USP53: variants seen among roughly 807,000 people sequenced by gnomAD.
The protein encoded by USP53 is ubiquitin carboxyl-terminal hydrolase 53.
In USP53, 71 loss-of-function variants were observed where a neutral mutation model predicts 94.9. That is an observed-to-expected ratio of 0.75 (90% CI 0.62 to 0.91). The LOEUF is 0.91. USP53 is among the 40% of genes least tolerant of loss of function. The pLI is 0.00. For synonymous variants in USP53, 375 were observed against 422.7 expected, an observed-to-expected ratio of 0.89 and a Z score of 1.39; for missense variants, 1,173 against 1,281.0, an observed-to-expected ratio of 0.92 and a Z score of 1.29.
chr4:119,279,733 C>T (rs1461351999), intron 17 of USP53, among the ~76,000 whole-genome samples: 1 of 152,218 alleles, frequency 6.6e-6, no homozygotes, highest in Non-Finnish European at 1.5e-5. Flanking sequence ...TCTCAGACTG[C>T]TGTGCTAGCA....
intron 3 of USP53, among the ~76,000 whole-genome samples, chr4:119,222,416 T>C (rs1345935075): frequency 6.6e-6 from 1 of 152,190 alleles, no homozygotes; most frequent in Non-Finnish European, 1.5e-5. Flanking sequence ...AATTGTATTT[T>C]TGTACATTGA....
Position 119,214,209 on chromosome 4 carries a change from T to C in USP53, c.-802T>C, listed in dbSNP as rs1743380468. 1 of 151,410 alleles carries C rather than the reference T, an allele frequency of 6.6e-6. No homozygotes were observed. Among genetic ancestry groups the C allele is most frequent in the South Asian group, 2.1e-4 (1 of 4,810 alleles). The allele number at this position is 151,410 out of a possible 1,614,324, so 9.4% of individuals were successfully genotyped here. On this transcript the variant is annotated 5_prime_UTR_variant, in exon 2 of 19. Coordinates refer to ENST00000692078, the MANE Select transcript of USP53 (RefSeq NM_001371395.1). ...CTGCTGTTGTCATAAGAATTCCAAATAGACAAACTCGGTGTAAGTAGGAGT... is the reference window on the plus strand; with the variant it reads ...CTGCTGTTGTCATAAGAATTCCAAACAGACAAACTCGGTGTAAGTAGGAGT...
rs1416737522 is a variant in USP53, at chr4:119,294,021, TA to T, written c.*815del. 1 of 152,124 alleles carries T rather than the reference TA, an allele frequency of 6.6e-6. No homozygotes were observed. Among genetic ancestry groups the T allele is most frequent in the Non-Finnish European group, 1.5e-5 (1 of 67,976 alleles). The allele number at this position is 152,124 out of a possible 1,614,324, so 9.4% of individuals were successfully genotyped here. On this transcript the variant is annotated 3_prime_UTR_variant, in exon 19 of 19. Coordinates refer to ENST00000692078, the MANE Select transcript of USP53 (RefSeq NM_001371395.1). ...TAAATGCTACTTTAGCCATGTAAGT[TA>T]AAAAGTTAAAATACTTAAACTTTAG...
intron 5 of USP53, among the ~76,000 whole-genome samples, chr4:119,244,213 ACAT>A (rs1376202528): frequency 6.6e-6 from 1 of 152,220 alleles, no homozygotes; most frequent in Non-Finnish European, 1.5e-5. Flanking sequence ...AAGTTATTAA[ACAT>A]CATCAAGTGC....
At chr4:119,273,564 T>TG (rs1314394171) in intron 16 of USP53, 68 bp from the exon 17 acceptor site, 5 of 1,113,214 alleles carry the variant, frequency 4.5e-6, no homozygotes, top group Non-Finnish European at 6.1e-6. Flanking sequence ...ACAAATGTTG[T>TG]TTTTTTTTAG....
At chr4:119,247,361 T>A (rs971090697) in intron 6 of USP53, among the ~76,000 whole-genome samples, 14 of 152,186 alleles carry the variant, frequency 9.2e-5, no homozygotes, top group African/African-American at 3.4e-4. Flanking sequence ...TCTGGAATGC[T>A]TTTCTTCCAG....
rs756894253 is a variant in USP53 at position 119,261,698 on chromosome 4, C to T, written c.823-17C>T. 1 of 1,556,366 alleles carries T rather than the reference C, an allele frequency of 6.4e-7. No homozygotes were observed. Among genetic ancestry groups the T allele is most frequent in the South Asian group, 1.2e-5 (1 of 83,266 alleles). Reference sequence around the variant, plus strand: ...AAGATGTAGTGTTAAGTGTACATTACCAATTTTTTTAAACAGCTTTTTTAT... The same window carrying T: ...AAGATGTAGTGTTAAGTGTACATTATCAATTTTTTTAAACAGCTTTTTTAT... On this transcript the variant is annotated splice_polypyrimidine_tract_variant and intron_variant, in intron 11 of 18. Transcript: ENST00000692078.
rs75816287 is a variant in USP53, at chr4:119,282,276, A to G, written c.2251+8568A>G. ...TATTGTGAATAATGCTGCAATGAAT[A>G]TTAGTGTGCAAATGTCTGTTTGAGT... On this transcript the variant is annotated intron_variant, in intron 17 of 18. Transcript: ENST00000692078. 6.5e-4 allele frequency among the ~76,000 whole-genome samples: 99 copies of G among 152,246 alleles called. No individual in the cohort carries two copies. The East Asian group carries it at 0.015, about 24-fold the overall frequency.
intron 3 of USP53, among the ~76,000 whole-genome samples, chr4:119,231,172 G>A (rs1017108329): frequency 3.3e-5 from 5 of 152,186 alleles, no homozygotes; most frequent in Non-Finnish European, 5.9e-5. Flanking sequence ...GAATCAGAAA[G>A]TCCAACTTAT....
chr4:119,237,048 G>A (rs935011731), intron 4 of USP53, among the ~76,000 whole-genome samples: 2 of 152,140 alleles, frequency 1.3e-5, no homozygotes, highest in African/African-American at 4.8e-5. Flanking sequence ...AATGGTTATT[G>A]CAGGGATGAA....
intron 3 of USP53, among the ~76,000 whole-genome samples, chr4:119,226,868 C>T (rs188535941): frequency 9.1e-4 from 139 of 152,272 alleles, no homozygotes; most frequent in African/African-American, 3.1e-3. Flanking sequence ...GTCTCACACT[C>T]TGTCACCCAA....
At chr4:119,271,104 C>T in intron 15 of USP53, 192 bp from the exon 16 acceptor site, 1 of 618,152 alleles carries the variant, frequency 1.6e-6, no homozygotes, top group Non-Finnish European at 2.0e-6. Context: ...GTTTCTTTTA[C>T]AAATACCCCT....
At chr4:119,284,868 A>G (rs1255600079) in intron 17 of USP53, among the ~76,000 whole-genome samples, 3 of 151,958 alleles carry the variant, frequency 2.0e-5, no homozygotes, top group Admixed American at 1.3e-4. Flanking sequence ...GCTTTTGACC[A>G]TGAAAATCTC....
intron 17 of USP53, among the ~76,000 whole-genome samples, chr4:119,284,970 T>C (rs1753918937): frequency 6.6e-6 from 1 of 151,902 alleles, no homozygotes; most frequent in African/African-American, 2.4e-5. Context: ...ATAGCATACC[T>C]AGAGGAGAAA....
At chr4:119,230,952 A>G (rs1745981709) in intron 3 of USP53, among the ~76,000 whole-genome samples, 1 of 152,140 alleles carries the variant, frequency 6.6e-6, no homozygotes, top group Non-Finnish European at 1.5e-5. Context: ...ACTGTGACTG[A>G]AAGGTGGTCA....
chr4:119,272,217 T>A (rs1751962395), intron 16 of USP53, 183 bp downstream of exon 16: 1 of 483,212 alleles, frequency 2.1e-6, no homozygotes, highest in African/African-American at 2.0e-5. Context: ...CCTAGGATAT[T>A]GTAGTTTATT....
intron 3 of USP53, among the ~76,000 whole-genome samples, chr4:119,233,463 A>C (rs1194352732): frequency 6.6e-6 from 1 of 152,050 alleles, no homozygotes; most frequent in Non-Finnish European, 1.5e-5. Context: ...CTTTCTGAGA[A>C]TCTTATTAGA....
intron 3 of USP53, chr4:119,220,049 T>G (rs961797630): frequency 7.9e-5 from 12 of 152,200 alleles, no homozygotes; most frequent in African/African-American, 2.9e-4. Context: ...AACATTTTGT[T>G]TTTTCTTATT....
chr4:119,219,619 A>C (rs1744241840), intron 3 of USP53: 1 of 152,276 alleles, frequency 6.6e-6, no homozygotes, highest in South Asian at 2.1e-4. Context: ...TCATTTACCC[A>C]GACCATTCTA....
Sources: gnomAD v4.1 joint callset for allele counts (sites outside exome capture counted in the v4.1 genomes callset) on GRCh38, gnomAD v4.1.1 for gene constraint, MANE v1.5 for transcripts, NCBI Gene and HGNC (gene_info 2026-07-23, HGNC 2026-07-21) for gene names.